Variants in DTD1 observed in about 807,000 individuals in gnomAD.
The protein encoded by DTD1 is D-tyrosyl-tRNA deacylase 1 homolog.
A neutral mutation model predicts 25.6 loss-of-function variants in DTD1; 13 were observed. That is an observed-to-expected ratio of 0.51 (90% confidence interval 0.33 to 0.81). DTD1 has a LOEUF of 0.81. Among genes scored for constraint, DTD1 ranks in the 30% least tolerant of loss-of-function variants. The pLI is 0.02. For synonymous variants in DTD1, 110 were observed against 103.6 expected (o/e 1.06, Z -0.37); for missense variants, 193 against 266.4 (o/e 0.72, Z 1.92).
At chr20:18,691,410 T>C (rs868024665) in intron 4 of DTD1, among the ~76,000 whole-genome samples, 3 of 152,204 alleles carry the variant, frequency 2.0e-5, no homozygotes, top group Admixed American at 6.5e-5. Flanking sequence ...ATGGTACATA[T>C]ACCCCATGGA....
At chr20:18,728,667 CT>C (rs1487615321) in intron 4 of DTD1, among the ~76,000 whole-genome samples, 1 of 152,102 alleles carries the variant, frequency 6.6e-6, no homozygotes. Context: ...GTTGTCAGAT[CT>C]TTTTGAGGCC....
intron 3 of DTD1, among the ~76,000 whole-genome samples, chr20:18,601,864 C>T (rs959237389): frequency 9.2e-5 from 14 of 151,604 alleles, no homozygotes; most frequent in Admixed American, 2.6e-4. Flanking sequence ...AAACGCAGAG[C>T]GCCTCTCCTC....
At chr20:18,758,225 C>G (rs1163677608) in intron 5 of DTD1, among the ~76,000 whole-genome samples, 1 of 152,054 alleles carries the variant, frequency 6.6e-6, no homozygotes, top group East Asian at 1.9e-4. Flanking sequence ...AAAACCAGCT[C>G]CTGGATTCAT....
intron 1 of DTD1, among the ~76,000 whole-genome samples, chr20:18,591,930 A>G (rs1257490183): frequency 6.6e-6 from 1 of 152,238 alleles, no homozygotes; most frequent in Non-Finnish European, 1.5e-5. Flanking sequence ...TCATTATAAG[A>G]AAAGCAGCAC....
chr20:18,744,051 G>T (rs1222492882), intron 4 of DTD1, 49 bp from the exon 5 acceptor site: 9 of 1,532,962 alleles, frequency 5.9e-6, no homozygotes, highest in Non-Finnish European at 5.3e-6. Context: ...GGATACACAG[G>T]CATGTGTTTG....
intron 4 of DTD1, among the ~76,000 whole-genome samples, chr20:18,640,530 TTTAA>T (rs536156717): frequency 1.2e-3 from 176 of 152,308 alleles, no homozygotes; most frequent in Middle Eastern, 3.4e-3. Flanking sequence ...TTAAATTGTG[TTTAA>T]TTATACATAA....
intron 5 of DTD1, among the ~76,000 whole-genome samples, chr20:18,756,775 AC>A (rs1292609327): frequency 6.6e-6 from 1 of 151,796 alleles, no homozygotes; most frequent in Non-Finnish European, 1.5e-5. Context: ...TTCCATATGA[AC>A]TTTAAAGTAG....
At chr20:18,595,685 C>T (rs550253737) in intron 2 of DTD1, among the ~76,000 whole-genome samples, 69 of 152,302 alleles carry the variant, frequency 4.5e-4, no homozygotes, top group East Asian at 3.7e-3. Flanking sequence ...GACATATCCC[C>T]GACCTAAAGG....
intron 5 of DTD1, among the ~76,000 whole-genome samples, chr20:18,747,181 T>C (rs1285946759): frequency 2.0e-5 from 3 of 152,284 alleles, no homozygotes; most frequent in Admixed American, 2.0e-4. Context: ...TTAAGATACT[T>C]TTTCAGTTGT....
At chr20:18,595,297 C>T (rs959714709) in intron 2 of DTD1, among the ~76,000 whole-genome samples, 14 of 151,998 alleles carry the variant, frequency 9.2e-5, no homozygotes, top group Admixed American at 4.6e-4. Context: ...GACAGAGTCT[C>T]CCTCTGTCAC....
chr20:18,694,010 C>T (rs75647635), intron 4 of DTD1, among the ~76,000 whole-genome samples: 2,259 of 152,310 alleles, frequency 0.015, 28 homozygotes, highest in Non-Finnish European at 0.022. Flanking sequence ...TTGCACAGCA[C>T]GGATGCAGGA....
At chr20:18,593,642 G>A (rs1391199086) in intron 1 of DTD1, 89 bp from the exon 2 acceptor site, 10 of 859,284 alleles carry the variant, frequency 1.2e-5, no homozygotes, top group South Asian at 8.5e-5. Context: ...AAGTATGTAT[G>A]ATGTTTAAAA....
intron 4 of DTD1, among the ~76,000 whole-genome samples, chr20:18,652,532 G>A (rs1265747720): frequency 6.6e-6 from 1 of 152,188 alleles, no homozygotes; most frequent in Non-Finnish European, 1.5e-5. Context: ...AGGACCAAAG[G>A]ACCCTTTCAG....
chr20:18,639,325 A>G, intron 4 of DTD1, among the ~76,000 whole-genome samples: 1 of 152,210 alleles, frequency 6.6e-6, no homozygotes, highest in Non-Finnish European at 1.5e-5. Context: ...AAAGCCCAAG[A>G]AACATGTATA....
At chr20:18,638,651 G>A (rs969043865) in intron 4 of DTD1, among the ~76,000 whole-genome samples, 1 of 152,200 alleles carries the variant, frequency 6.6e-6, no homozygotes, top group African/African-American at 2.4e-5. Flanking sequence ...GTGACCTGGG[G>A]TTGATGGAAC....
chr20:18,729,090 A>G (rs1025411494), intron 4 of DTD1, among the ~76,000 whole-genome samples: 2 of 151,998 alleles, frequency 1.3e-5, no homozygotes, highest in East Asian at 1.9e-4. Context: ...TGCAGCCTTG[A>G]CCTCCTGGAC....
At chr20:18,708,852 A>T (rs893574606) in intron 4 of DTD1, among the ~76,000 whole-genome samples, 1 of 152,166 alleles carries the variant, frequency 6.6e-6, no homozygotes, top group African/African-American at 2.4e-5. Context: ...TGGCAGCAGG[A>T]GTGCCCCATA....
At chr20:18,623,901 TG>T (rs879517917) in intron 3 of DTD1, among the ~76,000 whole-genome samples, 7,969 of 151,830 alleles carry the variant, frequency 0.052, 280 homozygotes, top group South Asian at 0.095. Context: ...TGTGTGTGTG[TG>T]TGTGTAGAGA....
intron 4 of DTD1, 32 bp downstream of exon 4, chr20:18,628,265 C>T (rs1233172597): frequency 1.3e-6 from 2 of 1,562,912 alleles, no homozygotes; most frequent in South Asian, 2.2e-5. Flanking sequence ...TGGCTCCGTC[C>T]CTTGGGTGCC....
Sources: allele counts gnomAD v4.1 joint callset (sites outside exome capture counted in the v4.1 genomes callset), GRCh38; gene constraint gnomAD v4.1.1; transcripts MANE v1.5; gene names NCBI Gene and HGNC (gene_info 2026-07-23, HGNC 2026-07-21).